The following CDK13 variants were observed in gnomAD, a reference collection of about 807,000 sequenced individuals.
CDK13 encodes the protein cyclin dependent kinase 13, also known as cyclin-dependent kinase 13.
In CDK13, 40 loss-of-function variants were observed where a neutral mutation model predicts 137.6. The ratio of observed to expected loss-of-function variants is 0.29; its 90% confidence interval spans 0.23 to 0.38. CDK13 has a LOEUF of 0.38. CDK13 is among the 10% of genes least tolerant of loss of function. The pLI is 1.00. For missense variants in CDK13, 1,704 were observed against 1,951.8 expected, an observed-to-expected ratio of 0.87 and a Z score of 2.39; for synonymous variants, 869 against 760.1, an observed-to-expected ratio of 1.14 and a Z score of -2.36.
chr7:40,028,692 T>G (rs1785299561), intron 5 of CDK13, among the ~76,000 whole-genome samples: 1 of 152,214 alleles, frequency 6.6e-6, no homozygotes, highest in South Asian at 2.1e-4. Flanking sequence ...TTTCCAACTT[T>G]TATTGAATTT....
chr7:40,089,694 A>T (rs915398364), intron 12 of CDK13, among the ~76,000 whole-genome samples: 1 of 146,610 alleles, frequency 6.8e-6, no homozygotes, highest in African/African-American at 2.6e-5. Context: ...AGACTGATAT[A>T]AAATAGAGAG....
chr7:40,087,183 G>A (rs554033770), intron 11 of CDK13, among the ~76,000 whole-genome samples: 55 of 152,006 alleles, frequency 3.6e-4, no homozygotes, highest in Middle Eastern at 3.4e-3. Context: ...TGGTTCTGTC[G>A]CCTAGGCTGG....
chr7:40,062,425 A>G (rs953952118), intron 7 of CDK13: 1 of 163,678 alleles, frequency 6.1e-6, no homozygotes, highest in African/African-American at 2.4e-5. Flanking sequence ...AGCTGGGGCT[A>G]TGGGCACCCG....
intron 1 of CDK13, among the ~76,000 whole-genome samples, chr7:39,960,660 C>T (rs909280408): frequency 1.5e-4 from 23 of 152,096 alleles, no homozygotes; most frequent in Middle Eastern, 3.2e-3. Flanking sequence ...TAACAACCTA[C>T]GCCTCCTGGG....
chr7:40,057,155 T>G (rs750622561), intron 7 of CDK13, among the ~76,000 whole-genome samples: 5 of 152,134 alleles, frequency 3.3e-5, no homozygotes, highest in Non-Finnish European at 5.9e-5. Flanking sequence ...CTTGGGAGGC[T>G]GAGGCAGGAG....
intron 5 of CDK13, among the ~76,000 whole-genome samples, chr7:40,037,545 A>G (rs1186009358): frequency 6.6e-6 from 1 of 152,232 alleles, no homozygotes; most frequent in Non-Finnish European, 1.5e-5. Context: ...CTTGGAAGTC[A>G]CATCATTCAC....
intron 5 of CDK13, among the ~76,000 whole-genome samples, chr7:40,008,545 G>A (rs1784837953): frequency 6.6e-6 from 1 of 152,178 alleles, no homozygotes; most frequent in African/African-American, 2.4e-5. Flanking sequence ...ATCTGTAATT[G>A]TTGGAATTTC....
chr7:39,992,169 T>TGC (rs1784474793), intron 2 of CDK13, among the ~76,000 whole-genome samples: 1 of 70,836 alleles, frequency 1.4e-5, no homozygotes, highest in Non-Finnish European at 3.7e-5. Context: ...TGAGGGTGTG[T>TGC]GTGTGTGTGT....
chr7:39,980,445 T>C (rs1341422032), intron 1 of CDK13, among the ~76,000 whole-genome samples: 3 of 152,232 alleles, frequency 2.0e-5, no homozygotes, highest in Admixed American at 6.5e-5. Flanking sequence ...AGAGCTGTTA[T>C]AATAACGTTA....
At chr7:40,081,124 G>A (rs577416177) in intron 11 of CDK13, among the ~76,000 whole-genome samples, 55 of 152,160 alleles carry the variant, frequency 3.6e-4, no homozygotes, top group Non-Finnish European at 7.2e-4. Context: ...AAGATTCCAA[G>A]CTAGCTCTTT....
At chr7:40,004,817 T>A (rs1050620571) in intron 5 of CDK13, among the ~76,000 whole-genome samples, 3 of 152,234 alleles carry the variant, frequency 2.0e-5, no homozygotes, top group Non-Finnish European at 4.4e-5. Context: ...TATTAACTTT[T>A]AAAAATATAA....
At chr7:39,975,325 C>T (rs550574717) in intron 1 of CDK13, among the ~76,000 whole-genome samples, 9 of 152,174 alleles carry the variant, frequency 5.9e-5, no homozygotes, top group East Asian at 5.8e-4. Flanking sequence ...GCAGGAGAAT[C>T]GCTTTGAGCC....
Position 40,090,748 on chromosome 7 carries a change from A to G in CDK13, c.3236-2037A>G, listed in dbSNP as rs1018410237. Among the ~76,000 whole-genome samples, 4 of 152,040 alleles carry G rather than the reference A, an allele frequency of 2.6e-5. No homozygotes were observed. In the East Asian group the frequency reaches 5.9e-4, roughly 22 times the overall value. On this transcript the variant is annotated intron_variant, in intron 12 of 13. Coordinates refer to ENST00000181839, the MANE Select transcript of CDK13 (RefSeq NM_003718.5). ...AAAAATACAAAAATTAGCCTGGCCT[A>G]TATTCCCAGTTACTTGCGGGGCTGA...
At chr7:40,069,589 T>C (rs1183756413) in intron 9 of CDK13, 1 of 269,594 alleles carries the variant, frequency 3.7e-6, no homozygotes, top group Admixed American at 4.2e-5. Context: ...CTAGGTTGTT[T>C]ATAGGCTCAG....
intron 5 of CDK13, among the ~76,000 whole-genome samples, chr7:40,024,663 T>G (rs1176017312): frequency 2.2e-5 from 3 of 133,662 alleles, no homozygotes; most frequent in Non-Finnish European, 4.8e-5. Flanking sequence ...TTTTTTTTTT[T>G]TTTTTTTTTT....
At chr7:40,002,070 A>T (rs1186964642) in intron 5 of CDK13, 39 bp downstream of exon 5, 1 of 1,469,650 alleles carries the variant, frequency 6.8e-7, no homozygotes, top group Non-Finnish European at 9.2e-7. Flanking sequence ...TTTTGTATTC[A>T]TGATTGATGT....
At chr7:39,979,871 C>T (rs1300380682) in intron 1 of CDK13, among the ~76,000 whole-genome samples, 1 of 152,018 alleles carries the variant, frequency 6.6e-6, no homozygotes, top group Non-Finnish European at 1.5e-5. Flanking sequence ...GAGAAAATGT[C>T]ATGATGAAAG....
chr7:39,996,007 TAAAG>T (rs1784553679), intron 2 of CDK13, among the ~76,000 whole-genome samples: 1 of 152,162 alleles, frequency 6.6e-6, no homozygotes, highest in Admixed American at 6.6e-5. Context: ...AAGACTGTCT[TAAAG>T]AAACAAAACA....
chr7:39,985,180 G>A lies in CDK13; in HGVS notation c.1212-2419G>A, dbSNP rs186408930. 6.2e-5 allele frequency: 9 copies of A among 145,840 alleles called. No homozygotes were observed. The East Asian group carries it at 1.9e-3, about 30-fold the overall frequency. The allele number at this position is 145,840 out of a possible 1,614,324, so 9.0% of individuals were successfully genotyped here. A position where few individuals can be genotyped will look rare whatever the true frequency, so the allele number is the denominator to read the frequency against. On this transcript the variant is annotated intron_variant, in intron 1 of 13. Coordinates refer to ENST00000181839, the MANE Select transcript of CDK13 (RefSeq NM_003718.5). Reference sequence around the variant, plus strand: ...ACTCTCTATCTCCATGAGTTGAATTGTTTTAATTTTTAGCTCCCACAAATA... The same window carrying A: ...ACTCTCTATCTCCATGAGTTGAATTATTTTAATTTTTAGCTCCCACAAATA...
Sources: allele counts gnomAD v4.1 joint callset (sites outside exome capture counted in the v4.1 genomes callset), GRCh38; gene constraint gnomAD v4.1.1; transcripts MANE v1.5; gene names NCBI Gene and HGNC (gene_info 2026-07-23, HGNC 2026-07-21).